The following TADA1 variants were observed in gnomAD, a reference collection of about 807,000 sequenced individuals.
TADA1 encodes the protein transcriptional adapter 1.
TADA1 carries 23 observed loss-of-function variants against 39.3 expected under a neutral mutation model. That is an observed-to-expected ratio of 0.58 (90% confidence interval 0.42 to 0.83). The LOEUF is 0.83. Ranked by LOEUF, TADA1 falls within the 40% of genes least tolerant of loss-of-function variation. The pLI is 0.00. For synonymous variants in TADA1, 137 were observed against 151.8 expected, an observed-to-expected ratio of 0.90 and a Z score of 0.72; for missense variants, 352 against 408.1, an observed-to-expected ratio of 0.86 and a Z score of 1.18.
chr1:166,862,056 C>CA (rs201115331), intron 5 of TADA1, 147 bp downstream of exon 5: 325 of 836,376 alleles, frequency 3.9e-4, no homozygotes, highest in East Asian at 1.5e-3. Flanking sequence ...GATGCTGTCT[C>CA]AAAAAAAACA....
At position 166,876,236 on chromosome 1, in the gene TADA1, C is replaced by G. The variant is rs1331479246; in HGVS notation, c.-3G>C. 1 of 1,612,962 alleles carries G rather than the reference C, an allele frequency of 6.2e-7. No homozygotes were observed. The highest frequency in any genetic ancestry group is 1.1e-5 in the South Asian group (1 of 90,716). On this transcript the variant is annotated 5_prime_UTR_variant, in exon 1 of 8. Coordinates refer to ENST00000367874, the MANE Select transcript of TADA1 (RefSeq NM_053053.4). ...AGCTCGCTCACAAAGGTCGCCATTGCTCCGCGTGTCTCAGCCCGACCGCAG... is the reference window on the plus strand; with the variant it reads ...AGCTCGCTCACAAAGGTCGCCATTGGTCCGCGTGTCTCAGCCCGACCGCAG...
intron 1 of TADA1, among the ~76,000 whole-genome samples, chr1:166,872,608 G>A (rs1024436442): frequency 1.3e-5 from 2 of 152,042 alleles, no homozygotes; most frequent in African/African-American, 2.4e-5. Flanking sequence ...GGAGGCAGAG[G>A]TTGCAGTGAG....
At chr1:166,872,605 G>C (rs1294328230) in intron 1 of TADA1, among the ~76,000 whole-genome samples, 1 of 152,120 alleles carries the variant, frequency 6.6e-6, no homozygotes, top group Non-Finnish European at 1.5e-5. Context: ...CCAGGAGGCA[G>C]AGGTTGCAGT....
At position 166,857,302 on chromosome 1, in the gene TADA1, AC is replaced by A; in HGVS notation, c.*264del. ...GACCACAGGACACTAAGCCTCAGGT[AC>A]CTAAATATCTCCATTCCAGGCACAG... is the stretch of plus-strand genomic sequence containing the variant. On this transcript the variant is annotated 3_prime_UTR_variant, in exon 8 of 8. Transcript: ENST00000367874. 1 of 421,050 alleles carries A rather than the reference AC, an allele frequency of 2.4e-6. No individual in the cohort carries two copies. The allele number at this position is 421,050 out of a possible 1,614,324, so 26.1% of individuals were successfully genotyped here.
chr1:166,863,901 A>C lies in TADA1; in HGVS notation c.253T>G (p.Trp85Gly). The C allele has an allele frequency of 6.2e-7, 1 of 1,610,836 alleles. No individual in the cohort carries two copies. Among genetic ancestry groups the C allele is most frequent in the Non-Finnish European group, 8.5e-7 (1 of 1,179,274 alleles). The change falls in exon 4 of 8, where the codon TGG (tryptophan) becomes GGG (glycine). Residue 85 changes from tryptophan (W) to glycine (G), a missense_variant. Physicochemically the swap from Trp to Gly is radical, Grantham distance 184. Coordinates refer to ENST00000367874, the MANE Select transcript of TADA1 (RefSeq NM_053053.4). Reference protein sequence around the residue: ...STPDGAGSLPWPGGSAAKPGK... With the variant: ...STPDGAGSLPGPGGSAAKPGK... ...GGTTTTGCTGCGGAACCCCCTGGCCAAGGCAAAGATCCAGCACCATCTAGG... is the reference window on the plus strand; with the variant it reads ...GGTTTTGCTGCGGAACCCCCTGGCCCAGGCAAAGATCCAGCACCATCTAGG...
intron 5 of TADA1, 60 bp from the exon 6 acceptor site, chr1:166,860,397 T>C (rs1658379460): frequency 3.3e-6 from 5 of 1,510,624 alleles, no homozygotes; most frequent in Admixed American, 4.1e-5. Flanking sequence ...ATCATAAAAC[T>C]TCCACTGACC....
Position 166,857,412 on chromosome 1 carries a change from T to A in TADA1, c.*155A>T, listed in dbSNP as rs1658300989. ...TTACCAAAGATTTATATTAATGGCT[T>A]CACAACAGCAACACAAAATGTACTC... On this transcript the variant is annotated 3_prime_UTR_variant, in exon 8 of 8. Coordinates refer to ENST00000367874, the MANE Select transcript of TADA1 (RefSeq NM_053053.4). The A allele has an allele frequency of 1.2e-6, 1 of 848,812 alleles. No homozygotes were observed. The highest frequency in any genetic ancestry group is 2.9e-5 in the Admixed American group (1 of 34,102). 52.6% of individuals were successfully genotyped at this position (848,812 alleles called of 1,614,324 possible).
At chr1:166,875,776 A>C (rs1214658936) in intron 1 of TADA1, among the ~76,000 whole-genome samples, 1 of 152,158 alleles carries the variant, frequency 6.6e-6, no homozygotes. Context: ...GCCCTGCGCT[A>C]TGCCCTCTGG....
intron 3 of TADA1, among the ~76,000 whole-genome samples, chr1:166,864,181 T>C (rs952604799): frequency 2.6e-5 from 4 of 152,190 alleles, no homozygotes; most frequent in South Asian, 2.1e-4. Context: ...ATTGGGTGTT[T>C]TGTTTATTAG....
intron 3 of TADA1, among the ~76,000 whole-genome samples, chr1:166,865,783 C>T (rs1658517909): frequency 6.6e-6 from 1 of 151,486 alleles, no homozygotes; most frequent in African/African-American, 2.4e-5. Context: ...AGCACCACTG[C>T]ACTCCAGCAT....
chr1:166,857,167 C>T lies in TADA1; in HGVS notation c.*400G>A, dbSNP rs1658297188. The T allele has an allele frequency of 6.2e-6, 1 of 160,376 alleles. No individual in the cohort carries two copies. The highest frequency in any genetic ancestry group is 1.4e-5 in the Non-Finnish European group (1 of 73,160). The allele number at this position is 160,376 out of a possible 1,614,324, so 9.9% of individuals were successfully genotyped here. ...TTAGGAGAAAGGCAGAAATTTTAGACTTCTAGATACAGAATGTATGATGTC... is the reference window on the plus strand; with the variant it reads ...TTAGGAGAAAGGCAGAAATTTTAGATTTCTAGATACAGAATGTATGATGTC... On this transcript the variant is annotated 3_prime_UTR_variant, in exon 8 of 8. Coordinates refer to ENST00000367874, the MANE Select transcript of TADA1 (RefSeq NM_053053.4).
chr1:166,867,243 C>CTA (rs780801148), intron 3 of TADA1, among the ~76,000 whole-genome samples: 29 of 152,284 alleles, frequency 1.9e-4, no homozygotes, highest in Non-Finnish European at 3.7e-4. Flanking sequence ...TCTGATCACT[C>CTA]CATTTATCTT....
Position 166,869,822 on chromosome 1 carries a change from T to G in TADA1, c.107A>C (p.Gln36Pro). The G allele has an allele frequency of 6.2e-7, 1 of 1,614,068 alleles. No homozygotes were observed. The highest frequency in any genetic ancestry group is 8.5e-7 in the Non-Finnish European group (1 of 1,180,020). Residue 36 changes from glutamine (Q) to proline (P), a missense_variant, in exon 2 of 8, where the codon CAG becomes CCG. Gln to Pro is a moderately conservative substitution (Grantham distance 76, BLOSUM62 -1). Around this residue, in one of 3 missense-constraint regions of TADA1, gnomAD observed 36 missense variants for 72.0 expected, o/e 0.50. Transcript: ENST00000367874. Reference sequence around the variant, plus strand: ...GTCAAACTCCTCTTTGCTGATCTTCTGCTTGAACCACAGCTTTAGGTTAGC... The same window carrying G: ...GTCAAACTCCTCTTTGCTGATCTTCGGCTTGAACCACAGCTTTAGGTTAGC... ...YWANLKLWFKQKISKEEFDLE... is the reference protein window; with the variant it reads ...YWANLKLWFKPKISKEEFDLE...
chr1:166,865,874 C>G (rs1372472949), intron 3 of TADA1, among the ~76,000 whole-genome samples: 2 of 151,594 alleles, frequency 1.3e-5, no homozygotes, highest in South Asian at 4.2e-4. Context: ...CACCCATAAT[C>G]ATAGTAAAAT....
chr1:166,870,735 G>A (rs190297102), intron 1 of TADA1, among the ~76,000 whole-genome samples: 3 of 152,234 alleles, frequency 2.0e-5, no homozygotes, highest in Non-Finnish European at 4.4e-5. Flanking sequence ...AGGCTGAAGT[G>A]GAGGGACTGA....
intron 1 of TADA1, among the ~76,000 whole-genome samples, chr1:166,873,440 T>C (rs1398441049): frequency 6.6e-6 from 1 of 152,044 alleles, no homozygotes; most frequent in Non-Finnish European, 1.5e-5. Context: ...CAGTCAGACA[T>C]GAAGGATGTT....
chr1:166,866,306 G>C (rs953382907), intron 3 of TADA1, among the ~76,000 whole-genome samples: 2 of 152,036 alleles, frequency 1.3e-5, no homozygotes, highest in Non-Finnish European at 2.9e-5. Flanking sequence ...TTTTTCTTTT[G>C]TTTTGTTTTC....
At chr1:166,871,172 T>C (rs1252587161) in intron 1 of TADA1, among the ~76,000 whole-genome samples, 4 of 152,160 alleles carry the variant, frequency 2.6e-5, no homozygotes, top group Non-Finnish European at 5.9e-5. Flanking sequence ...TAATAAAAAT[T>C]ACTTGGTAAC....
chr1:166,869,629 A>C (rs1046999909), intron 2 of TADA1, 119 bp from the exon 3 acceptor site: 106 of 1,374,328 alleles, frequency 7.7e-5, no homozygotes, highest in Non-Finnish European at 1.0e-4. Context: ...CTTTATACTT[A>C]AAGTATCCAC....
Sources: gnomAD v4.1 joint callset for allele counts (sites outside exome capture counted in the v4.1 genomes callset) on GRCh38, gnomAD v4.1.1 for gene constraint, gnomAD v4.1.1 regional missense constraint, MANE v1.5 for transcripts, NCBI Gene and HGNC (gene_info 2026-07-23, HGNC 2026-07-21) for gene names.